RSU1: variants seen among roughly 807,000 people sequenced by gnomAD.
RSU1 encodes the protein rsu-1.
A neutral mutation model predicts 31.1 loss-of-function variants in RSU1; 26 were observed. The ratio of observed to expected loss-of-function variants is 0.84; its 90% CI spans 0.61 to 1.16. The LOEUF (loss-of-function observed/expected upper bound fraction) is 1.16, where lower values mean the gene tolerates loss of function less well. RSU1 is among the 50% of genes most tolerant of loss of function. RSU1 has a pLI of 0.00. For missense variants in RSU1, 320 were observed against 339.1 expected, an observed-to-expected ratio of 0.94 and a Z score of 0.44; for synonymous variants, 164 against 136.3, an observed-to-expected ratio of 1.20 and a Z score of -1.41.
intron 8 of RSU1, among the ~76,000 whole-genome samples, chr10:16,641,803 C>G (rs1012960320): frequency 1.3e-5 from 2 of 152,212 alleles, no homozygotes; most frequent in Non-Finnish European, 1.5e-5. Context: ...AGACCGACTT[C>G]CCATCCAGGC....
At chr10:16,706,340 C>T (rs1228169184) in intron 7 of RSU1, among the ~76,000 whole-genome samples, 4 of 152,124 alleles carry the variant, frequency 2.6e-5, no homozygotes, top group East Asian at 1.9e-4. Flanking sequence ...CTTGCACTTC[C>T]GTAATGACTA....
intron 8 of RSU1, among the ~76,000 whole-genome samples, chr10:16,612,328 A>C (rs767088011): frequency 6.6e-6 from 1 of 152,248 alleles, no homozygotes; most frequent in Non-Finnish European, 1.5e-5. Flanking sequence ...ACTACCAACA[A>C]GTTTAGTCAC....
intron 8 of RSU1, among the ~76,000 whole-genome samples, chr10:16,687,246 G>C (rs1835456580): frequency 6.6e-6 from 1 of 152,162 alleles, no homozygotes; most frequent in African/African-American, 2.4e-5. Flanking sequence ...CCCTAGTAGA[G>C]TTTCACCTTT....
intron 7 of RSU1, among the ~76,000 whole-genome samples, chr10:16,731,366 C>T (rs1836508114): frequency 6.7e-6 from 1 of 149,454 alleles, no homozygotes; most frequent in African/African-American, 2.5e-5. Flanking sequence ...GGAGGCGGAG[C>T]TTGCAGTGAG....
chr10:16,671,542 G>A (rs1835104590), intron 8 of RSU1, among the ~76,000 whole-genome samples: 1 of 152,020 alleles, frequency 6.6e-6, no homozygotes, highest in Non-Finnish European at 1.5e-5. Context: ...TTAATCTCCT[G>A]GGCTCAAGCG....
intron 2 of RSU1, among the ~76,000 whole-genome samples, chr10:16,785,566 G>A (rs1446757163): frequency 6.7e-6 from 1 of 148,946 alleles, no homozygotes; most frequent in East Asian, 2.0e-4. Flanking sequence ...AATACAGGAG[G>A]GATGGTGCTA....
rs1040908779 is a variant in RSU1 at position 16,620,557 on chromosome 10, A to T, written c.732-27061T>A. On this transcript the variant is annotated intron_variant, in intron 8 of 8. Coordinates refer to ENST00000345264, the MANE Select transcript of RSU1 (RefSeq NM_012425.4). Reference sequence around the variant, plus strand: ...GTTACTGGCATATGTACAAAATGTTAAAAAAAAAAAAAAAAGTCTCGCTCA... The same window carrying T: ...GTTACTGGCATATGTACAAAATGTTTAAAAAAAAAAAAAAAGTCTCGCTCA... Among the ~76,000 whole-genome samples, 9 of 92,660 alleles carry T rather than the reference A, an allele frequency of 9.7e-5. 1 individual carries two copies. The East Asian group carries it at 1.5e-3, about 16-fold the overall frequency. 60.8% of individuals were successfully genotyped at this position (92,660 alleles called of 152,430 possible).
intron 8 of RSU1, among the ~76,000 whole-genome samples, chr10:16,601,008 T>C (rs1046668786): frequency 6.6e-6 from 1 of 152,226 alleles, no homozygotes; most frequent in Non-Finnish European, 1.5e-5. Flanking sequence ...TGTCCTCGCT[T>C]GGCTCTAGGA....
At chr10:16,657,847 G>T (rs1215726834) in intron 8 of RSU1, among the ~76,000 whole-genome samples, 1 of 152,106 alleles carries the variant, frequency 6.6e-6, no homozygotes, top group Non-Finnish European at 1.5e-5. Context: ...ACAAAAATTA[G>T]CCAGATGTGG....
intron 2 of RSU1, among the ~76,000 whole-genome samples, chr10:16,807,416 C>T (rs1838296353): frequency 6.6e-6 from 1 of 152,174 alleles, no homozygotes. Flanking sequence ...ACCAATATTT[C>T]CCCAACACAA....
chr10:16,813,426 T>C (rs1379634575), intron 2 of RSU1, among the ~76,000 whole-genome samples: 1 of 152,234 alleles, frequency 6.6e-6, no homozygotes, highest in African/African-American at 2.4e-5. Flanking sequence ...ACTGACTATG[T>C]TGGAACTGGG....
intron 8 of RSU1, among the ~76,000 whole-genome samples, chr10:16,615,609 T>C (rs181222616): frequency 9.1e-4 from 139 of 152,350 alleles, no homozygotes; most frequent in Admixed American, 2.3e-3. Flanking sequence ...GGGCACTTAT[T>C]CTAAAATCAA....
At chr10:16,685,174 T>A (rs184643143) in intron 8 of RSU1, among the ~76,000 whole-genome samples, 2 of 152,248 alleles carry the variant, frequency 1.3e-5, no homozygotes, top group African/African-American at 4.8e-5. Flanking sequence ...CGCTTGAACC[T>A]GGGAGGCAAA....
At position 16,757,767 on chromosome 10, in the gene RSU1, G is replaced by C. The variant is rs181708790; in HGVS notation, c.282-2778C>G. On this transcript the variant is annotated intron_variant, in intron 4 of 8. Coordinates refer to ENST00000345264, the MANE Select transcript of RSU1 (RefSeq NM_012425.4). ...TTGGGCTCTGATACAAGGATTCTGA[G>C]AAGAATTGCAAGTCAAAGGAAGGAC... Among the ~76,000 whole-genome samples, 380 of 152,346 alleles carry C rather than the reference G, an allele frequency of 2.5e-3. 1 individual carries two copies. Among genetic ancestry groups the C allele is most frequent in the African/African-American group, 8.6e-3 (356 of 41,568 alleles).
intron 8 of RSU1, among the ~76,000 whole-genome samples, chr10:16,687,616 T>G (rs1835462986): frequency 6.6e-6 from 1 of 152,194 alleles, no homozygotes. Context: ...TCCTCTGTAT[T>G]CCTCCTGTCA....
At chr10:16,741,951 T>A (rs1478779211) in intron 7 of RSU1, among the ~76,000 whole-genome samples, 1 of 152,200 alleles carries the variant, frequency 6.6e-6, no homozygotes, top group Non-Finnish European at 1.5e-5. Context: ...GTATGTTTCA[T>A]TTAACCAGTG....
At chr10:16,783,703 C>G (rs995289411) in intron 2 of RSU1, among the ~76,000 whole-genome samples, 6 of 151,328 alleles carry the variant, frequency 4.0e-5, no homozygotes, top group Admixed American at 4.0e-4. Context: ...CCATTGCAAA[C>G]TTATAGAGAA....
At chr10:16,758,232 C>G (rs1003513970) in intron 4 of RSU1, among the ~76,000 whole-genome samples, 13 of 152,218 alleles carry the variant, frequency 8.5e-5, no homozygotes, top group African/African-American at 1.7e-4. Context: ...AGCTACAAAG[C>G]GGCCAAGGAA....
intron 2 of RSU1, among the ~76,000 whole-genome samples, chr10:16,812,064 G>A (rs941192539): frequency 6.6e-6 from 1 of 152,214 alleles, no homozygotes; most frequent in Non-Finnish European, 1.5e-5. Context: ...CGAGAAAAAC[G>A]AAAAGGGCTC....
Sources: gnomAD v4.1 joint callset for allele counts (sites outside exome capture counted in the v4.1 genomes callset) on GRCh38, gnomAD v4.1.1 for gene constraint, MANE v1.5 for transcripts, NCBI Gene and HGNC (gene_info 2026-07-23, HGNC 2026-07-21) for gene names.